The following PTGFR variants were observed in gnomAD, a reference collection of about 807,000 sequenced individuals.
PTGFR encodes prostaglandin F receptor, also known as prostaglandin F2-alpha receptor.
PTGFR carries 15 observed loss-of-function variants against 26.2 expected under a neutral mutation model. That is an observed-to-expected ratio of 0.57 (90% CI 0.38 to 0.88). The LOEUF is 0.88. Among genes scored for constraint, PTGFR ranks in the 40% least tolerant of loss-of-function variants. The pLI is 0.00. For missense variants in PTGFR, 369 were observed against 427.2 expected, an observed-to-expected ratio of 0.86 and a Z score of 1.20; for synonymous variants, 165 against 151.1, an observed-to-expected ratio of 1.09 and a Z score of -0.68.
intron 2 of PTGFR, among the ~76,000 whole-genome samples, chr1:78,514,567 T>G (rs575489971): frequency 8.9e-4 from 135 of 152,276 alleles, no homozygotes; most frequent in African/African-American, 3.2e-3. Context: ...ACTTTGGACT[T>G]GGGACTTTCG....
chr1:78,523,770 G>A (rs1444806923), intron 2 of PTGFR, among the ~76,000 whole-genome samples: 1 of 152,088 alleles, frequency 6.6e-6, no homozygotes, highest in Admixed American at 6.6e-5. Context: ...ATGATAACTT[G>A]TAAATGAGTG....
chr1:78,506,942 A>G (rs879352937), intron 2 of PTGFR, among the ~76,000 whole-genome samples: 16 of 152,198 alleles, frequency 1.1e-4, no homozygotes, highest in Non-Finnish European at 1.9e-4. Context: ...GAGTGTTAAT[A>G]TTTCTGTTTT....
rs1650727830 is a variant in PTGFR at position 78,539,010 on chromosome 1, A to G, written c.*2323A>G. ...CAGGTGTTAGTGAATTTTTCTAAAA[A>G]GATGAGACAAAAGCAAAAATATCAC... On this transcript the variant is annotated 3_prime_UTR_variant, in exon 3 of 3. Coordinates refer to ENST00000370757, the MANE Select transcript of PTGFR (RefSeq NM_000959.4). 1 of 152,124 alleles carries G rather than the reference A, an allele frequency of 6.6e-6. No homozygotes were observed. Among genetic ancestry groups the G allele is most frequent in the South Asian group, 2.1e-4 (1 of 4,834 alleles). 9.4% of individuals were successfully genotyped at this position (152,124 alleles called of 1,614,324 possible).
chr1:78,492,046 C>A (rs894783006), intron 1 of PTGFR, among the ~76,000 whole-genome samples: 3 of 152,188 alleles, frequency 2.0e-5, no homozygotes, highest in Non-Finnish European at 4.4e-5. Context: ...GGCAGCTAGA[C>A]CAGAAAACCT....
chr1:78,506,879 G>A (rs988240149), intron 2 of PTGFR, among the ~76,000 whole-genome samples: 2 of 152,072 alleles, frequency 1.3e-5, no homozygotes, highest in Non-Finnish European at 2.9e-5. Flanking sequence ...TGTATCTTGG[G>A]CATTGTGAAT....
At chr1:78,514,178 T>C (rs865911604) in intron 2 of PTGFR, among the ~76,000 whole-genome samples, 2 of 152,116 alleles carry the variant, frequency 1.3e-5, no homozygotes, top group Non-Finnish European at 2.9e-5. Context: ...CCCAGAATGG[T>C]ACAGCCACTG....
At chr1:78,519,218 C>T (rs1557655130) in intron 2 of PTGFR, among the ~76,000 whole-genome samples, 1 of 152,096 alleles carries the variant, frequency 6.6e-6, no homozygotes, top group South Asian at 2.1e-4. Flanking sequence ...TATACTTGAA[C>T]CTCTCCTCCT....
chr1:78,535,777 A>C (rs754388204), intron 2 of PTGFR, among the ~76,000 whole-genome samples: 19 of 152,130 alleles, frequency 1.2e-4, no homozygotes, highest in Non-Finnish European at 2.6e-4. Flanking sequence ...TGTTACAGTT[A>C]AGTCACAACT....
intron 2 of PTGFR, 54 bp downstream of exon 2, chr1:78,493,595 C>A: frequency 6.8e-7 from 1 of 1,462,798 alleles, no homozygotes; most frequent in South Asian, 1.5e-5. Context: ...ATGTTCAATT[C>A]AAGGTTATCT....
At chr1:78,499,536 T>C (rs2100354645) in intron 2 of PTGFR, among the ~76,000 whole-genome samples, 1 of 152,334 alleles carries the variant, frequency 6.6e-6, no homozygotes, top group East Asian at 1.9e-4. Context: ...ATTTCCACTT[T>C]GAATTAGCTC....
At chr1:78,511,543 C>G (rs1326905242) in intron 2 of PTGFR, among the ~76,000 whole-genome samples, 1 of 151,892 alleles carries the variant, frequency 6.6e-6, no homozygotes, top group Non-Finnish European at 1.5e-5. Flanking sequence ...CTGGTCCTGG[C>G]TCCCGAAACC....
At chr1:78,523,511 A>T (rs1246190336) in intron 2 of PTGFR, among the ~76,000 whole-genome samples, 2 of 152,054 alleles carry the variant, frequency 1.3e-5, no homozygotes, top group African/African-American at 4.8e-5. Context: ...CTGAAGAATA[A>T]GTTTTGTGGG....
chr1:78,508,176 C>T (rs967250855), intron 2 of PTGFR, among the ~76,000 whole-genome samples: 1 of 152,024 alleles, frequency 6.6e-6, no homozygotes, highest in African/African-American at 2.4e-5. Flanking sequence ...GTTTTTTCCT[C>T]ATGAAATGCT....
intron 2 of PTGFR, among the ~76,000 whole-genome samples, chr1:78,506,153 C>T (rs1045095133): frequency 2.0e-5 from 3 of 152,124 alleles, no homozygotes; most frequent in African/African-American, 7.2e-5. Flanking sequence ...CTAACAGCAA[C>T]GTGCGAGTGT....
At chr1:78,526,142 A>G (rs1181027009) in intron 2 of PTGFR, among the ~76,000 whole-genome samples, 2 of 152,092 alleles carry the variant, frequency 1.3e-5, no homozygotes, top group African/African-American at 4.8e-5. Flanking sequence ...CAAGAATTAT[A>G]CACAATTTAT....
intron 2 of PTGFR, among the ~76,000 whole-genome samples, chr1:78,524,900 T>C (rs1034589142): frequency 5.1e-5 from 7 of 136,280 alleles, no homozygotes; most frequent in South Asian, 2.5e-4. Context: ...TTTGGACAAA[T>C]GCAAGATTTT....
chr1:78,497,989 G>C (rs750218724), intron 2 of PTGFR: 1 of 1,416,244 alleles, frequency 7.1e-7, no homozygotes, highest in South Asian at 1.2e-5. Context: ...TGTAGAATTG[G>C]AGCTTGATTT....
chr1:78,511,334 G>A (rs572873615), intron 2 of PTGFR, among the ~76,000 whole-genome samples: 7 of 152,258 alleles, frequency 4.6e-5, no homozygotes, highest in Admixed American at 3.9e-4. Flanking sequence ...AAATCCAGGG[G>A]GAAGTCACCA....
At chr1:78,526,587 C>G (rs987980158) in intron 2 of PTGFR, among the ~76,000 whole-genome samples, 1 of 152,020 alleles carries the variant, frequency 6.6e-6, no homozygotes, top group African/African-American at 2.4e-5. Flanking sequence ...AGACAAATAA[C>G]CTTTTTTTGT....
Sources: gnomAD v4.1 joint callset for allele counts (sites outside exome capture counted in the v4.1 genomes callset) on GRCh38, gnomAD v4.1.1 for gene constraint, MANE v1.5 for transcripts, NCBI Gene and HGNC (gene_info 2026-07-23, HGNC 2026-07-21) for gene names.